SORCS1: variants seen among roughly 807,000 people sequenced by gnomAD.
SORCS1 encodes the protein VPS10 domain-containing receptor SorCS1.
In SORCS1, 60 loss-of-function variants were observed where a neutral mutation model predicts 146.1. The observed-to-expected ratio is 0.41, with a 90% CI of 0.33 to 0.51. The LOEUF (loss-of-function observed/expected upper bound fraction) is 0.51, where lower values mean the gene tolerates loss of function less well. SORCS1 is among the 20% of genes least tolerant of loss of function. SORCS1 has a pLI of 0.21. For synonymous variants in SORCS1, 637 were observed against 584.0 expected (o/e 1.09, Z -1.31); for missense variants, 1,352 against 1,487.6 (o/e 0.91, Z 1.50).
chr10:106,801,699 T>G (rs1283617333), intron 3 of SORCS1, among the ~76,000 whole-genome samples: 1 of 151,978 alleles, frequency 6.6e-6, no homozygotes. Flanking sequence ...CCGGCTAATT[T>G]TTTTGTATTT....
At chr10:106,688,063 T>G in intron 10 of SORCS1, 129 bp downstream of exon 10, 1 of 1,319,724 alleles carries the variant, frequency 7.6e-7, no homozygotes, top group Non-Finnish European at 1.0e-6. Context: ...CCCTTTGCCT[T>G]CACGCCCTTC....
chr10:106,813,764 G>A (rs1174465812), intron 3 of SORCS1, among the ~76,000 whole-genome samples: 1 of 152,080 alleles, frequency 6.6e-6, no homozygotes, highest in Non-Finnish European at 1.5e-5. Context: ...GGGAGACCAT[G>A]TACCTACAAA....
intron 2 of SORCS1, among the ~76,000 whole-genome samples, chr10:106,907,886 C>T (rs1951978821): frequency 1.3e-5 from 2 of 149,326 alleles, no homozygotes; most frequent in South Asian, 4.3e-4. Context: ...GAGATCACAC[C>T]ACTGCACTCA....
chr10:106,701,631 T>G (rs1359879084), intron 8 of SORCS1, among the ~76,000 whole-genome samples: 1 of 152,222 alleles, frequency 6.6e-6, no homozygotes, highest in Non-Finnish European at 1.5e-5. Flanking sequence ...GACATTTTTT[T>G]GGTCCCTAAA....
chr10:107,127,784 C>T (rs1478065311), intron 1 of SORCS1, among the ~76,000 whole-genome samples: 8 of 152,164 alleles, frequency 5.3e-5, no homozygotes, highest in Non-Finnish European at 5.9e-5. Flanking sequence ...TAGGGCCCAC[C>T]TCCACCTCTG....
chr10:106,855,160 AT>A (rs1200103693), intron 2 of SORCS1, among the ~76,000 whole-genome samples: 2 of 152,080 alleles, frequency 1.3e-5, no homozygotes, highest in Non-Finnish European at 2.9e-5. Flanking sequence ...GATGTTTTCC[AT>A]TATTTTTTCC....
rs550698870 is a variant in SORCS1, at chr10:106,644,302, C to T, written c.2475+8080G>A. Among the ~76,000 whole-genome samples, 19 of 152,168 alleles carry T rather than the reference C, an allele frequency of 1.2e-4. No homozygotes were observed. In the South Asian group the frequency reaches 3.7e-3, roughly 30 times the overall value. On this transcript the variant is annotated intron_variant, in intron 18 of 25. Coordinates refer to ENST00000263054, the MANE Select transcript of SORCS1 (RefSeq NM_052918.5). ...GAAAACTGCCAGTACACTCAAAGTT[C>T]TCCAATCACTCCGCCTCCAAAGTTA... is the stretch of plus-strand genomic sequence containing the variant.
At chr10:106,947,474 T>C (rs1954411640) in intron 2 of SORCS1, among the ~76,000 whole-genome samples, 1 of 152,188 alleles carries the variant, frequency 6.6e-6, no homozygotes, top group South Asian at 2.1e-4. Flanking sequence ...AGGAGCCAGC[T>C]CTGTCTGACT....
intron 2 of SORCS1, among the ~76,000 whole-genome samples, chr10:106,919,115 G>T (rs1952582111): frequency 6.6e-6 from 1 of 152,172 alleles, no homozygotes; most frequent in Non-Finnish European, 1.5e-5. Flanking sequence ...GGAATTATTG[G>T]CATGAACCAC....
intron 6 of SORCS1, among the ~76,000 whole-genome samples, chr10:106,710,482 A>T (rs903112427): frequency 9.9e-5 from 15 of 151,358 alleles, no homozygotes; most frequent in African/African-American, 3.6e-4. Flanking sequence ...TCCTTGAGTT[A>T]AGACTTTGCT....
chr10:106,603,585 G>A (rs577766456), intron 23 of SORCS1, among the ~76,000 whole-genome samples: 4 of 152,232 alleles, frequency 2.6e-5, no homozygotes, highest in Admixed American at 6.5e-5. Flanking sequence ...GGGCACCTCT[G>A]TCTAGGATCC....
intron 4 of SORCS1, 32 bp downstream of exon 4, chr10:106,776,502 T>C (rs1860442355): frequency 6.2e-7 from 1 of 1,610,588 alleles, no homozygotes; most frequent in Non-Finnish European, 8.5e-7. Flanking sequence ...AGAACCATGC[T>C]TCATTGTCTC....
intron 13 of SORCS1, 63 bp from the exon 14 acceptor site, chr10:106,675,219 G>T: frequency 8.0e-7 from 1 of 1,242,776 alleles, no homozygotes; most frequent in Non-Finnish European, 1.2e-6. Context: ...CATTTCAAAG[G>T]AAAGATACTC....
chr10:106,786,886 T>A (rs1161578312), intron 3 of SORCS1, among the ~76,000 whole-genome samples: 1 of 152,222 alleles, frequency 6.6e-6, no homozygotes, highest in African/African-American at 2.4e-5. Context: ...GGTCTTACCT[T>A]AAACTTTTGA....
chr10:106,821,851 G>A (rs1948046173), intron 3 of SORCS1, among the ~76,000 whole-genome samples: 1 of 151,956 alleles, frequency 6.6e-6, no homozygotes, highest in African/African-American at 2.4e-5. Context: ...GACCCTGGGA[G>A]GCAGAGCTTG....
At chr10:106,689,625 G>A (rs1853145098) in intron 9 of SORCS1, among the ~76,000 whole-genome samples, 1 of 152,090 alleles carries the variant, frequency 6.6e-6, no homozygotes, top group Non-Finnish European at 1.5e-5. Flanking sequence ...CAAACGCCAA[G>A]CACTATGTCC....
Position 106,960,206 on chromosome 10 carries a change from A to G in SORCS1, c.559-3626T>C, listed in dbSNP as rs1205639028. On this transcript the variant is annotated intron_variant, in intron 1 of 25. Coordinates refer to ENST00000263054, the MANE Select transcript of SORCS1 (RefSeq NM_052918.5). The surrounding 1 kb of genome is among the most constrained non-coding windows in gnomAD (Gnocchi z 4.4). Reference sequence around the variant, plus strand: ...ATCTAAGACTTGATAACCTCCACCTATGCCATACCAGGACCTCTGCATCCA... The same window carrying G: ...ATCTAAGACTTGATAACCTCCACCTGTGCCATACCAGGACCTCTGCATCCA... 6.6e-6 allele frequency among the ~76,000 whole-genome samples: 1 copy of G among 152,092 alleles called. No homozygotes were observed. The highest frequency in any genetic ancestry group is 1.9e-4 in the East Asian group (1 of 5,188).
intron 1 of SORCS1, among the ~76,000 whole-genome samples, chr10:107,125,710 A>G (rs1190456436): frequency 6.6e-6 from 1 of 152,260 alleles, no homozygotes; most frequent in Admixed American, 6.5e-5. Context: ...AAACTAATTC[A>G]GTACCACCAA....
At chr10:107,023,102 T>C (rs2133881908) in intron 1 of SORCS1, among the ~76,000 whole-genome samples, 1 of 152,310 alleles carries the variant, frequency 6.6e-6, no homozygotes, top group South Asian at 2.1e-4. Flanking sequence ...TGCAGTGCTA[T>C]TGTGAGAGTT....
Sources: allele counts gnomAD v4.1 joint callset (sites outside exome capture counted in the v4.1 genomes callset), GRCh38; gene constraint gnomAD v4.1.1; non-coding constraint Gnocchi (gnomAD v3.1); transcripts MANE v1.5; gene names NCBI Gene and HGNC (gene_info 2026-07-23, HGNC 2026-07-21).